The following VSIG2 variants were observed in gnomAD, a reference collection of about 807,000 sequenced individuals.
VSIG2 encodes the protein V-set and immunoglobulin domain containing 2, also known as V-set and immunoglobulin domain-containing protein 2.
A neutral mutation model predicts 29.4 loss-of-function variants in VSIG2; 30 were observed. The ratio of observed to expected loss-of-function variants is 1.02; its 90% CI spans 0.76 to 1.38. The LOEUF (loss-of-function observed/expected upper bound fraction) is 1.38. Among genes scored for constraint, VSIG2 ranks in the 40% most tolerant of loss-of-function variants. VSIG2 has a pLI of 0.00. For synonymous variants in VSIG2, 178 were observed against 174.2 expected, an observed-to-expected ratio of 1.02 and a Z score of -0.17; for missense variants, 421 against 400.8, an observed-to-expected ratio of 1.05 and a Z score of -0.43.
rs749198671 is a variant in VSIG2 at position 124,748,328 on chromosome 11, AC to A, written c.851+61del. The stretch of plus-strand genomic sequence containing the variant: ...ATGTCGGAGTTTGAGGGTTGCAGGC[AC>A]CCGCTTTTAACTCAAGCCCTTTCCT... On this transcript the variant is annotated intron_variant, in intron 6 of 6. Coordinates refer to ENST00000326621, the MANE Select transcript of VSIG2 (RefSeq NM_014312.5). The A allele has an allele frequency of 6.0e-5, 90 of 1,510,792 alleles. No individual in the cohort carries two copies. The East Asian group carries it at 1.7e-3, about 29-fold the overall frequency. The allele number at this position is 1,510,792 out of a possible 1,614,324, so 93.6% of individuals were successfully genotyped here.
Position 124,752,236 on chromosome 11 carries a change from G to T in VSIG2, c.-99C>A, listed in dbSNP as rs1944096900. The T allele has an allele frequency of 4.7e-6, 6 of 1,279,714 alleles. No individual in the cohort carries two copies. The highest frequency in any genetic ancestry group is 6.3e-6 in the Non-Finnish European group (6 of 952,258). The allele number at this position is 1,279,714 out of a possible 1,614,324, so 79.3% of individuals were successfully genotyped here. A position where few individuals can be genotyped will look rare whatever the true frequency, so the allele number is the denominator to read the frequency against. ...GGGAGCACCCAAGGGCAGCCGCCCGGGCTGGGCAGGAGCGAGACTGGTATC... is the reference window on the plus strand; with the variant it reads ...GGGAGCACCCAAGGGCAGCCGCCCGTGCTGGGCAGGAGCGAGACTGGTATC... On this transcript the variant is annotated 5_prime_UTR_variant, in exon 1 of 7. Transcript: ENST00000326621.
Position 124,747,744 on chromosome 11 carries a change from CTT to C in VSIG2, c.852-79_852-78del, listed in dbSNP as rs1011701339. 7.4e-5 allele frequency: 109 copies of C among 1,463,776 alleles called. 3 individuals are homozygous for C. The African/African-American group carries it at 1.1e-3, about 15-fold the overall frequency. The allele number at this position is 1,463,776 out of a possible 1,614,324, so 90.7% of individuals were successfully genotyped here. On this transcript the variant is annotated intron_variant, in intron 6 of 6. Coordinates refer to ENST00000326621, the MANE Select transcript of VSIG2 (RefSeq NM_014312.5). ...AGGGCCGTCCTCTAACCTGGGGACT[CTT>C]AAATTTCACTGTGCTTGAGAATAAT...
At chr11:124,748,353 C>T (rs765911246) in intron 6 of VSIG2, 37 bp downstream of exon 6, 4 of 1,567,534 alleles carry the variant, frequency 2.6e-6, no homozygotes, top group South Asian at 2.4e-5. Flanking sequence ...AAGCCCTTTC[C>T]TCCCTCCTTG....
intron 4 of VSIG2, 137 bp downstream of exon 4, chr11:124,749,571 C>G: frequency 1.6e-6 from 2 of 1,229,276 alleles, no homozygotes; most frequent in Admixed American, 5.1e-5. Flanking sequence ...TACAGGAAGC[C>G]AAGGAAGAGA....
Position 124,748,518 on chromosome 11 carries a change from T to G in VSIG2, c.723A>C (p.Arg241=), listed in dbSNP as rs1241458201. Residue 241 remains arginine (R), a synonymous_variant, in exon 6 of 7, where the codon CGA becomes CGC. Transcript: ENST00000326621. ...TLSVTEPSQG[R]VAGALIGVLL... is the part of the protein sequence containing the mutation. The stretch of plus-strand genomic sequence containing the variant: ...GCACCCCAATCAGAGCTCCGGCCAC[T>G]CGGCCTTGGGAGGGTTCTAAGGAGA... The G allele has an allele frequency of 6.2e-7, 1 of 1,614,072 alleles. No homozygotes were observed. Among genetic ancestry groups the G allele is most frequent in the Admixed American group, 1.7e-5 (1 of 60,004 alleles).
rs780234344 is a variant in VSIG2, at chr11:124,748,374, C to A, written c.851+16G>T. The A allele has an allele frequency of 6.3e-7, 1 of 1,594,022 alleles. No homozygotes were observed. Among genetic ancestry groups the A allele is most frequent in the Admixed American group, 1.8e-5 (1 of 56,704 alleles). ...TTTCCTCCCTCCTTGCGCCACCCCC[C>A]AGCCCTCCTGCTCACCGAAGGTCAC... On this transcript the variant is annotated intron_variant, in intron 6 of 6. Coordinates refer to ENST00000326621, the MANE Select transcript of VSIG2 (RefSeq NM_014312.5).
rs768943606 is a variant in VSIG2, at chr11:124,747,596, T to C, written c.923A>G (p.Glu308Gly). 3.1e-6 allele frequency: 5 copies of C among 1,613,732 alleles called. No homozygotes were observed. In the South Asian group the frequency reaches 4.4e-5, roughly 14 times the overall value. ...MRADSSKGFL[E>G]RPSSASTVTT... Reference sequence around the variant, plus strand: ...CACGGTGCTGGCAGACGAGGGTCTTTCCAGGAACCCCTTGCTAGAATCAGC... The same window carrying C: ...CACGGTGCTGGCAGACGAGGGTCTTCCCAGGAACCCCTTGCTAGAATCAGC... Residue 308 changes from glutamate (E) to glycine (G), a missense_variant, in exon 7 of 7, where the codon GAA becomes GGA. Transcript: ENST00000326621.
At chr11:124,748,855 C>A (rs1944048485) in intron 4 of VSIG2, 92 bp from the exon 5 acceptor site, 1 of 1,595,618 alleles carries the variant, frequency 6.3e-7, no homozygotes, top group Non-Finnish European at 8.6e-7. Flanking sequence ...TTATAACAAT[C>A]CTGTCAGGGA....
rs1555108850 is a variant in VSIG2 at position 124,749,885 on chromosome 11, A to AAACAAAAAAAAC, written c.428-20_428-19insGTTTTTTTTGTT. ...GGGGGAACTGCAAAAAAAAAAAAAA[A>AAACAAAAAAAAC]AAAAAAAAAACAGAAAGTTCCTCAG... On this transcript the variant is annotated intron_variant, in intron 3 of 6. Coordinates refer to ENST00000326621, the MANE Select transcript of VSIG2 (RefSeq NM_014312.5). The AAACAAAAAAAAC allele has an allele frequency of 6.3e-6, 9 of 1,417,530 alleles. No homozygotes were observed. Among genetic ancestry groups the AAACAAAAAAAAC allele is most frequent in the Non-Finnish European group, 7.4e-6 (8 of 1,078,334 alleles). 87.8% of individuals were successfully genotyped at this position (1,417,530 alleles called of 1,614,324 possible).
intron 6 of VSIG2, 50 bp from the exon 7 acceptor site, chr11:124,747,717 G>A (rs773763180): frequency 6.3e-7 from 1 of 1,584,074 alleles, no homozygotes; most frequent in East Asian, 2.3e-5. Context: ...CTCCTGCGGA[G>A]GAGGGCCGTC....
At chr11:124,751,091 T>C (rs1021048780) in intron 2 of VSIG2, among the ~76,000 whole-genome samples, 170 bp from the exon 3 acceptor site, 4 of 151,960 alleles carry the variant, frequency 2.6e-5, no homozygotes, top group African/African-American at 9.7e-5. Flanking sequence ...CACCACCCCC[T>C]TTCAGGTGCT....
intron 2 of VSIG2, 131 bp downstream of exon 2, chr11:124,751,292 C>A (rs1217823515): frequency 1.8e-6 from 2 of 1,126,676 alleles, no homozygotes; most frequent in East Asian, 2.4e-5. Context: ...CTGAAAAGAT[C>A]TAGGGAGAGC....
At position 124,749,883 on chromosome 11, in the gene VSIG2, A is replaced by AAC; in HGVS notation, c.428-18_428-17insGT. 6.6e-7 allele frequency: 1 copy of AAC among 1,513,408 alleles called. No homozygotes were observed. 93.7% of individuals were successfully genotyped at this position (1,513,408 alleles called of 1,614,324 possible). ...TGGGGGGAACTGCAAAAAAAAAAAAAAAAAAAAAAAAACAGAAAGTTCCTC... is the reference window on the plus strand; with the variant it reads ...TGGGGGGAACTGCAAAAAAAAAAAAAACAAAAAAAAAAAACAGAAAGTTCCTC... On this transcript the variant is annotated splice_polypyrimidine_tract_variant and intron_variant, in intron 3 of 6. Transcript: ENST00000326621.
In VSIG2 at chr11:124,752,180, G is replaced by T; in HGVS notation, c.-43C>A. ...CTGTCCTGCTCCTGCCAGGTGGGCG[G>T]TCAAGGTCGGTCTGGGTGTCGGGCA... is the stretch of plus-strand genomic sequence containing the variant. On this transcript the variant is annotated 5_prime_UTR_variant, in exon 1 of 7. Coordinates refer to ENST00000326621, the MANE Select transcript of VSIG2 (RefSeq NM_014312.5). 2 of 1,515,580 alleles carry T rather than the reference G, an allele frequency of 1.3e-6. No homozygotes were observed. Among genetic ancestry groups the T allele is most frequent in the Non-Finnish European group, 1.8e-6 (2 of 1,137,264 alleles). 93.9% of individuals were successfully genotyped at this position (1,515,580 alleles called of 1,614,324 possible).
In VSIG2 at chr11:124,748,394, G is replaced by A. The variant is rs1436037403; in HGVS notation, c.847C>T (p.Leu283Phe). The change falls in exon 6 of 7, where the codon CTT becomes TTT. Residue 283 changes from leucine to phenylalanine, a missense_variant. Leu to Phe is a conservative substitution (Grantham distance 22). Coordinates refer to ENST00000326621, the MANE Select transcript of VSIG2 (RefSeq NM_014312.5). The part of the protein sequence containing the change: ...KPKETYGGSD[L>F]REDAIAPGIS... ...CCCCCCAGCCCTCCTGCTCACCGAA[G>A]GTCACTACCCCCATATGTCTCCTTG... 4.4e-6 allele frequency: 7 copies of A among 1,608,738 alleles called. 1 individual carries two copies. In the South Asian group the frequency reaches 6.6e-5, roughly 15 times the overall value.
rs766405238 is a variant in VSIG2, at chr11:124,750,843, TG to T, written c.297del (p.Thr100GlnfsTer7). On this transcript the variant is annotated frameshift_variant, in exon 3 of 7. Coordinates refer to ENST00000326621, the MANE Select transcript of VSIG2 (RefSeq NM_014312.5). LOFTEE classifies it high-confidence loss of function. ...AGTTTCAGTGTGGCCACCCCCACTG[TG>T]GGGGGGTTCTGAAGCAGGCTGACCC... ...SKRVSLLQNPPTVGVATLKLT... is the reference protein window; with the variant it reads ...SKRVSLLQNPXTVGVATLKLT... 13 of 1,613,836 alleles carry T rather than the reference TG, an allele frequency of 8.1e-6. No homozygotes were observed. Among genetic ancestry groups the T allele is most frequent in the African/African-American group, 1.3e-5 (1 of 74,852 alleles).
At chr11:124,750,955 G>T in intron 2 of VSIG2, 34 bp from the exon 3 acceptor site, 3 of 1,605,102 alleles carry the variant, frequency 1.9e-6, no homozygotes, top group South Asian at 1.1e-5. Flanking sequence ...ATATGTGCCT[G>T]TTTCTGCCTG....
At chr11:124,750,011 C>T (rs1944067039) in intron 3 of VSIG2, 145 bp from the exon 4 acceptor site, 1 of 932,222 alleles carries the variant, frequency 1.1e-6, no homozygotes, top group Non-Finnish European at 1.5e-6. Context: ...CCACTGCATC[C>T]CCAGGAACTG....
In VSIG2 at chr11:124,749,884, A is replaced by AAAAAAAAAAAACAAAAAAAAAC; in HGVS notation, c.428-19_428-18insGTTTTTTTTTGTTTTTTTTTTT. On this transcript the variant is annotated intron_variant, in intron 3 of 6. Transcript: ENST00000326621. ...GGGGGGAACTGCAAAAAAAAAAAAAAAAAAAAAAAAACAGAAAGTTCCTCA... is the reference window on the plus strand; with the variant it reads ...GGGGGGAACTGCAAAAAAAAAAAAAAAAAAAAAAAAACAAAAAAAAACAAAAAAAAAAACAGAAAGTTCCTCA... The AAAAAAAAAAAACAAAAAAAAAC allele has an allele frequency of 1.4e-6, 2 of 1,460,318 alleles. No homozygotes were observed. The highest frequency in any genetic ancestry group is 3.2e-5 in the African/African-American group (2 of 63,120). The allele number at this position is 1,460,318 out of a possible 1,614,324, so 90.5% of individuals were successfully genotyped here. A position where few individuals can be genotyped will look rare whatever the true frequency, so the allele number is the denominator to read the frequency against.
Sources: gnomAD v4.1 joint callset for allele counts (sites outside exome capture counted in the v4.1 genomes callset) on GRCh38, gnomAD v4.1.1 for gene constraint, MANE v1.5 for transcripts, NCBI Gene and HGNC (gene_info 2026-07-23, HGNC 2026-07-21) for gene names.